TTC12: variants seen among roughly 807,000 people sequenced by gnomAD.
TTC12 encodes the protein tetratricopeptide repeat domain 12.
TTC12 carries 70 observed loss-of-function variants against 90.1 expected under a neutral mutation model. That is an observed-to-expected ratio of 0.78 (90% CI 0.64 to 0.95). The LOEUF is 0.95. Among genes scored for constraint, TTC12 ranks in the 40% least tolerant of loss-of-function variants. The pLI is 0.00. For missense variants in TTC12, 819 were observed against 846.1 expected (o/e 0.97, Z 0.40); for synonymous variants, 296 against 311.5 (o/e 0.95, Z 0.53).
chr11:113,368,306 A>G, downstream of TTC12: 1 of 1,541,776 alleles, frequency 6.5e-7, no homozygotes, highest in Middle Eastern at 1.7e-4. Context: ...TCCAGTGTGG[A>G]TCCACCCCCG....
At chr11:113,344,754 C>T (rs891006347) in intron 13 of TTC12, among the ~76,000 whole-genome samples, 5 of 152,208 alleles carry the variant, frequency 3.3e-5, no homozygotes, top group South Asian at 2.1e-4. Flanking sequence ...TCTTTGGCCT[C>T]GGTCCTATCT....
intron 6 of TTC12, among the ~76,000 whole-genome samples, chr11:113,327,404 GAAA>G (rs1555141368): frequency 2.0e-5 from 3 of 148,146 alleles, no homozygotes; most frequent in African/African-American, 7.5e-5. Flanking sequence ...TGCAGTGTCA[GAAA>G]ACACTTAATA....
intron 2 of TTC12, among the ~76,000 whole-genome samples, chr11:113,321,769 T>C (rs782670219): frequency 2.6e-5 from 4 of 152,186 alleles, no homozygotes; most frequent in Admixed American, 6.5e-5. Context: ...CTTGCACTCA[T>C]ACCACTCATG....
intron 19 of TTC12, 82 bp downstream of exon 19, chr11:113,362,584 T>G: frequency 1.0e-6 from 1 of 991,452 alleles, no homozygotes; most frequent in Non-Finnish European, 1.6e-6. Context: ...AAGGTGGGCT[T>G]TGTTTGGTTA....
downstream of TTC12, among the ~76,000 whole-genome samples, chr11:113,367,336 A>G (rs1402111742): frequency 6.6e-6 from 1 of 152,232 alleles, no homozygotes. Context: ...AGCTTTGGCT[A>G]CTGCTTCTGG....
In TTC12 at chr11:113,316,269, TAAAGA is replaced by T; in HGVS notation, c.13_17del (p.Lys5GlufsTer8). 1 of 1,471,738 alleles carries T rather than the reference TAAAGA, an allele frequency of 6.8e-7. No homozygotes were observed. Among genetic ancestry groups the T allele is most frequent in the Non-Finnish European group, 9.0e-7 (1 of 1,109,260 alleles). 91.2% of individuals were successfully genotyped at this position (1,471,738 alleles called of 1,614,324 possible). ...GATTCCGGTTCACAATGGATGCTGA[TAAAGA>T]GAAAGATTTGCAGAAATTTCTTAAA... On this transcript the variant is annotated frameshift_variant, in exon 2 of 22. Coordinates refer to ENST00000529221, the MANE Select transcript of TTC12 (RefSeq NM_017868.4). LOFTEE classifies it high-confidence loss of function.
chr11:113,342,990 AT>A (rs1244536485), intron 12 of TTC12, among the ~76,000 whole-genome samples: 3 of 152,182 alleles, frequency 2.0e-5, no homozygotes, highest in African/African-American at 7.2e-5. Flanking sequence ...TTAAAGTTAC[AT>A]TTTTTTATCA....
At chr11:113,345,481 A>C (rs1450345200) in intron 13 of TTC12, among the ~76,000 whole-genome samples, 1 of 152,196 alleles carries the variant, frequency 6.6e-6, no homozygotes, top group African/African-American at 2.4e-5. Context: ...AACCTGCTAC[A>C]ACTGGCTCCT....
chr11:113,362,551 T>C lies in TTC12; in HGVS notation c.1716+49T>C, dbSNP rs1302606512. ...ACCCCTGAAATGTACAGAAGTCTCC[T>C]ATTTTATTCGGGGAACAGAATTAAG... is the stretch of plus-strand genomic sequence containing the variant. On this transcript the variant is annotated intron_variant, in intron 19 of 21. Coordinates refer to ENST00000529221, the MANE Select transcript of TTC12 (RefSeq NM_017868.4). The C allele has an allele frequency of 2.4e-6, 3 of 1,259,628 alleles. No homozygotes were observed. The South Asian group carries it at 3.7e-5, about 15-fold the overall frequency. The allele number at this position is 1,259,628 out of a possible 1,614,324, so 78.0% of individuals were successfully genotyped here. A position where few individuals can be genotyped will look rare whatever the true frequency, so the allele number is the denominator to read the frequency against.
chr11:113,339,517 G>A (rs782245391), intron 10 of TTC12, 43 bp downstream of exon 10: 100 of 1,538,990 alleles, frequency 6.5e-5, no homozygotes, highest in Middle Eastern at 3.5e-4. Flanking sequence ...CTGTCAGTGT[G>A]AAGGGACACA....
In TTC12 at chr11:113,364,935, G is replaced by C; in HGVS notation, c.1917G>C (p.Ala639=). Residue 639 remains alanine, a synonymous_variant, in exon 21 of 22, where the codon GCG becomes GCC. Coordinates refer to ENST00000529221, the MANE Select transcript of TTC12 (RefSeq NM_017868.4). The part of the protein sequence containing the change: ...LGNCMEVPNV[A]SSLLKTDLLQ... ...ACTGCATGGAGGTGCCCAACGTTGC[G>C]TCTTCCCTGCTAAAGACGGACCTTT... 11 of 1,614,134 alleles carry C rather than the reference G, an allele frequency of 6.8e-6. No homozygotes were observed. The highest frequency in any genetic ancestry group is 8.5e-6 in the Non-Finnish European group (10 of 1,180,014).
At chr11:113,319,587 C>T (rs181338492) in intron 2 of TTC12, among the ~76,000 whole-genome samples, 3 of 151,742 alleles carry the variant, frequency 2.0e-5, no homozygotes, top group South Asian at 2.1e-4. Context: ...GATCAAAACC[C>T]GCAAAGTAGT....
In TTC12 at chr11:113,356,025, T is replaced by C. The variant is rs191474348; in HGVS notation, c.1447-3338T>C. ...GATTTTCTATCTCAGTGATCTGATA[T>C]TGTCAGTGGGGTGATAAAGTCTCCT... On this transcript the variant is annotated intron_variant, in intron 16 of 21. Transcript: ENST00000529221. Among the ~76,000 whole-genome samples the C allele has an allele frequency of 2.7e-3, 408 of 152,322 alleles. 3 individuals are homozygous for C. The highest frequency in any genetic ancestry group is 4.2e-3 in the Non-Finnish European group (287 of 68,020).
intron 13 of TTC12, among the ~76,000 whole-genome samples, chr11:113,348,382 T>G (rs1193611085): frequency 6.6e-6 from 1 of 152,220 alleles, no homozygotes; most frequent in Non-Finnish European, 1.5e-5. Flanking sequence ...CTAGTTCTCC[T>G]CTACTGTCTC....
At chr11:113,345,397 C>G (rs1427452094) in intron 13 of TTC12, among the ~76,000 whole-genome samples, 1 of 152,154 alleles carries the variant, frequency 6.6e-6, no homozygotes, top group Non-Finnish European at 1.5e-5. Flanking sequence ...GGAATCTCAC[C>G]CAACTAGGCT....
intron 8 of TTC12, among the ~76,000 whole-genome samples, chr11:113,338,226 A>G (rs111416104): frequency 1.0e-3 from 159 of 152,258 alleles, no homozygotes; most frequent in African/African-American, 3.1e-3. Context: ...GTAACTTTCT[A>G]TCTAGCAGTT....
At chr11:113,364,738 T>C in intron 20 of TTC12, 97 bp from the exon 21 acceptor site, 1 of 925,964 alleles carries the variant, frequency 1.1e-6, no homozygotes, top group Non-Finnish European at 1.7e-6. Context: ...GGAAGCTCGG[T>C]GTCCGCTGAC....
chr11:113,329,639 C>T, intron 6 of TTC12: 1 of 538,860 alleles, frequency 1.9e-6, no homozygotes, highest in Non-Finnish European at 3.6e-6. Flanking sequence ...CCTTCCATTA[C>T]AGCAGTGGTA....
At position 113,332,321 on chromosome 11, in the gene TTC12, A is replaced by G. The variant is rs550059404; in HGVS notation, c.504+2342A>G. On this transcript the variant is annotated intron_variant, in intron 7 of 21. Coordinates refer to ENST00000529221, the MANE Select transcript of TTC12 (RefSeq NM_017868.4). Reference sequence around the variant, plus strand: ...CTATTCGTGAGAAAAATCCATTAGTAGCCTTTTGCGTCATTGTCTGAGGAA... The same window carrying G: ...CTATTCGTGAGAAAAATCCATTAGTGGCCTTTTGCGTCATTGTCTGAGGAA... Among the ~76,000 whole-genome samples, 15 of 152,330 alleles carry G rather than the reference A, an allele frequency of 9.8e-5. No individual in the cohort carries two copies. The South Asian group carries it at 3.1e-3, about 32-fold the overall frequency.
Sources: gnomAD v4.1 joint callset for allele counts (sites outside exome capture counted in the v4.1 genomes callset) on GRCh38, gnomAD v4.1.1 for gene constraint, MANE v1.5 for transcripts, NCBI Gene and HGNC (gene_info 2026-07-23, HGNC 2026-07-21) for gene names.